Variants in TBC1D1 observed in about 807,000 individuals in gnomAD.
TBC1D1 encodes the protein TBC1 (tre-2/USP6, BUB2, cdc16) domain family, member 1.
A neutral mutation model predicts 125.6 loss-of-function variants in TBC1D1; 89 were observed. The ratio of observed to expected loss-of-function variants is 0.71; its 90% CI spans 0.60 to 0.85. TBC1D1 has a LOEUF of 0.85. Ranked by LOEUF, TBC1D1 falls within the 40% of genes least tolerant of loss-of-function variation. TBC1D1 has a pLI of 0.00. For missense variants in TBC1D1, 1,377 were observed against 1,469.2 expected, an observed-to-expected ratio of 0.94 and a Z score of 1.03; for synonymous variants, 565 against 564.1, an observed-to-expected ratio of 1.00 and a Z score of -0.02.
intron 2 of TBC1D1, among the ~76,000 whole-genome samples, chr4:37,943,458 C>T (rs1726003133): frequency 6.6e-6 from 1 of 152,238 alleles, no homozygotes; most frequent in Admixed American, 6.5e-5. Flanking sequence ...TTCTCCCCAT[C>T]ACTTTCCAGT....
intron 2 of TBC1D1, among the ~76,000 whole-genome samples, chr4:37,908,220 G>A (rs2925948): frequency 0.21 from 31,280 of 151,868 alleles, 3,451 homozygotes; most frequent in South Asian, 0.26. Flanking sequence ...TGGTGTAAGC[G>A]CCTTTTTTGG....
At position 37,977,288 on chromosome 4, in the gene TBC1D1, A is replaced by G. The variant is rs1442933371; in HGVS notation, c.418-37221A>G. Reference sequence around the variant, plus strand: ...CCCCCTCCCCGCGCTCTCCCCTCCCACTTCCCTTTCTCTGCCTGGCCGCCC... The same window carrying G: ...CCCCCTCCCCGCGCTCTCCCCTCCCGCTTCCCTTTCTCTGCCTGGCCGCCC... On this transcript the variant is annotated intron_variant, in intron 2 of 19. Transcript: ENST00000261439. This position sits in a 1 kb window ranked among gnomAD's most constrained non-coding sequence, Gnocchi z 4.3. The G allele has an allele frequency of 8.6e-5, 2 of 23,264 alleles. No homozygotes were observed. The highest frequency in any genetic ancestry group is 1.8e-4 in the Non-Finnish European group (2 of 11,148). 1.4% of individuals were successfully genotyped at this position (23,264 alleles called of 1,614,324 possible).
intron 2 of TBC1D1, among the ~76,000 whole-genome samples, chr4:37,943,688 G>T (rs1437183183): frequency 1.3e-5 from 2 of 152,134 alleles, no homozygotes; most frequent in African/African-American, 2.4e-5. Flanking sequence ...AGCTCCATCA[G>T]GTCCTTTAAG....
chr4:37,921,149 G>A (rs1720900463), intron 2 of TBC1D1, among the ~76,000 whole-genome samples: 2 of 142,298 alleles, frequency 1.4e-5, no homozygotes, highest in South Asian at 4.6e-4. Flanking sequence ...GGAGACAAAC[G>A]ACAACAGTGT....
At chr4:38,052,053 C>G in intron 11 of TBC1D1, 1 of 1,551,008 alleles carries the variant, frequency 6.4e-7, no homozygotes, top group Non-Finnish European at 8.7e-7. Flanking sequence ...GAATGCTGTG[C>G]CAAAGAGGTG....
intron 2 of TBC1D1, among the ~76,000 whole-genome samples, chr4:37,996,502 T>G (rs1737836318): frequency 6.6e-6 from 1 of 152,232 alleles, no homozygotes; most frequent in South Asian, 2.1e-4. Flanking sequence ...TGTAGTTGAT[T>G]TCAAGAACTG....
At chr4:38,052,184 T>C (rs1560696554) in intron 11 of TBC1D1, 124 bp downstream of exon 12, 5 of 782,596 alleles carry the variant, frequency 6.4e-6, no homozygotes, top group South Asian at 1.9e-5. Context: ...TGTGTGTGTG[T>C]GTGTGTGTGT....
intron 2 of TBC1D1, among the ~76,000 whole-genome samples, chr4:37,992,276 G>A (rs936534378): frequency 2.6e-5 from 4 of 152,092 alleles, no homozygotes; most frequent in African/African-American, 4.8e-5. Context: ...CCGGACCAGC[G>A]CTTGAGGTTT....
chr4:38,052,765 G>T (rs10670841), intron 11 of TBC1D1, among the ~76,000 whole-genome samples: 82 of 88,784 alleles, frequency 9.2e-4, no homozygotes, highest in Non-Finnish European at 1.8e-3. Flanking sequence ...CACACACACA[G>T]GATAACATCT....
intron 12 of TBC1D1, among the ~76,000 whole-genome samples, chr4:38,054,693 A>C (rs1006180300): frequency 2.0e-5 from 3 of 152,228 alleles, no homozygotes; most frequent in African/African-American, 7.2e-5. Context: ...CAGCAGTGAA[A>C]GTTTATTAAA....
At chr4:38,034,359 T>C (rs1360757489) in intron 7 of TBC1D1, among the ~76,000 whole-genome samples, 1 of 152,248 alleles carries the variant, frequency 6.6e-6, no homozygotes, top group African/African-American at 2.4e-5. Flanking sequence ...CCAAAATATT[T>C]AATATTTCAG....
intron 11 of TBC1D1, 22 bp from the exon 12 acceptor site, chr4:38,051,877 G>C: frequency 6.5e-7 from 1 of 1,543,174 alleles, no homozygotes. Context: ...ACCCCCCCGT[G>C]CTTTCTCTGA....
At chr4:37,973,782 C>G (rs1230619403) in intron 2 of TBC1D1, among the ~76,000 whole-genome samples, 1 of 152,226 alleles carries the variant, frequency 6.6e-6, no homozygotes, top group Non-Finnish European at 1.5e-5. Flanking sequence ...GCCTATTGGT[C>G]AGTACCTTTT....
At chr4:37,960,956 G>A (rs765918329) in intron 2 of TBC1D1, 5 of 1,613,948 alleles carry the variant, frequency 3.1e-6, no homozygotes, top group African/African-American at 2.7e-5. Context: ...CTCCACCATG[G>A]GAATGCAATC....
intron 2 of TBC1D1, among the ~76,000 whole-genome samples, chr4:37,940,767 A>G (rs1725396630): frequency 6.6e-6 from 1 of 152,194 alleles, no homozygotes; most frequent in Admixed American, 6.5e-5. Context: ...CTTTTTCTGC[A>G]TCTATTGAGG....
chr4:37,949,381 A>G (rs896623868), intron 2 of TBC1D1, among the ~76,000 whole-genome samples: 1 of 152,200 alleles, frequency 6.6e-6, no homozygotes, highest in Non-Finnish European at 1.5e-5. Flanking sequence ...TATTTTTTCC[A>G]GTATAATTCT....
At chr4:37,974,382 C>T (rs1029994692) in intron 2 of TBC1D1, among the ~76,000 whole-genome samples, 54 of 152,116 alleles carry the variant, frequency 3.5e-4, no homozygotes, top group African/African-American at 1.3e-3. Flanking sequence ...AGGTGTGTGC[C>T]ACTATGTCCA....
intron 9 of TBC1D1, 108 bp downstream of exon 9, chr4:38,044,598 TAAAAC>T: frequency 8.3e-7 from 1 of 1,203,624 alleles, no homozygotes. Context: ...GGTAAAAGTA[TAAAAC>T]CTTTTTTTAT....
At chr4:38,031,982 A>G (rs1223209876) in intron 7 of TBC1D1, among the ~76,000 whole-genome samples, 1 of 152,254 alleles carries the variant, frequency 6.6e-6, no homozygotes, top group Non-Finnish European at 1.5e-5. Flanking sequence ...GTGAATTTTT[A>G]TAAGGTATAT....
Sources: allele counts gnomAD v4.1 joint callset (sites outside exome capture counted in the v4.1 genomes callset), GRCh38; gene constraint gnomAD v4.1.1; non-coding constraint Gnocchi (gnomAD v3.1); transcripts MANE v1.5; gene names NCBI Gene and HGNC (gene_info 2026-07-23, HGNC 2026-07-21).